FBXL5: variants seen among roughly 807,000 people sequenced by gnomAD.
FBXL5 encodes F-box and leucine rich repeat protein 5, also known as F-box/LRR-repeat protein 5.
In FBXL5, 26 loss-of-function variants were observed where a neutral mutation model predicts 78.3. That is an observed-to-expected ratio of 0.33 (90% CI 0.24 to 0.46). The LOEUF (loss-of-function observed/expected upper bound fraction) is 0.46, where lower values mean the gene tolerates loss of function less well. FBXL5 is among the 20% of genes least tolerant of loss of function. FBXL5 has a pLI of 1.00. For synonymous variants in FBXL5, 295 were observed against 282.5 expected, an observed-to-expected ratio of 1.04 and a Z score of -0.45; for missense variants, 710 against 829.2, an observed-to-expected ratio of 0.86 and a Z score of 1.77.
chr4:15,652,795 G>C (rs1239732258), intron 1 of FBXL5, among the ~76,000 whole-genome samples: 1 of 152,128 alleles, frequency 6.6e-6, no homozygotes, highest in Non-Finnish European at 1.5e-5. Flanking sequence ...TGGGCATTCA[G>C]AGCCCAAATT....
At position 15,625,784 on chromosome 4, in the gene FBXL5, A is replaced by T; in HGVS notation, c.1318T>A (p.Ser440Thr). The T allele has an allele frequency of 6.2e-7, 1 of 1,614,130 alleles. No individual in the cohort carries two copies. The highest frequency in any genetic ancestry group is 8.5e-7 in the Non-Finnish European group (1 of 1,180,010). The change falls in exon 9 of 11, where the codon TCC becomes ACC. Residue 440 changes from serine (S) to threonine (T), a missense_variant. Ser to Thr is a moderately conservative substitution (Grantham distance 58). This residue lies in a region of FBXL5 where 517 missense variants were observed against 542.9 expected (regional missense o/e 0.95). Coordinates refer to ENST00000341285, the MANE Select transcript of FBXL5 (RefSeq NM_012161.4). The stretch of plus-strand genomic sequence containing the variant: ...TGCAAACAGGCATACTGCTTGGTGG[A>T]CTGCATGGTAATGTCTTTATTTTTC... ...AWKNKDITMQSTKQYACLHDL... is the reference protein window; with the variant it reads ...AWKNKDITMQTTKQYACLHDL...
intron 7 of FBXL5, 125 bp from the exon 8 acceptor site, chr4:15,627,080 T>A: frequency 2.2e-6 from 1 of 459,382 alleles, no homozygotes. Flanking sequence ...ATCACTTGAA[T>A]ACTTGAAAAA....
intron 1 of FBXL5, among the ~76,000 whole-genome samples, chr4:15,654,734 T>C (rs749117992): frequency 4.3e-4 from 65 of 151,990 alleles, no homozygotes; most frequent in Non-Finnish European, 8.2e-4. Context: ...GATGGGTGGG[T>C]GTCTGCACGG....
intron 10 of FBXL5, among the ~76,000 whole-genome samples, chr4:15,610,870 T>C (rs1364030027): frequency 6.6e-6 from 1 of 152,092 alleles, no homozygotes; most frequent in Admixed American, 6.5e-5. Context: ...TTAATTACTC[T>C]TGATAATATG....
upstream of FBXL5, among the ~76,000 whole-genome samples, chr4:15,662,493 T>G (rs1717359186): frequency 6.6e-6 from 1 of 152,208 alleles, no homozygotes; most frequent in East Asian, 1.9e-4. Context: ...ATACTATCTT[T>G]TAATATTGCT....
chr4:15,612,370 T>C lies in FBXL5; in HGVS notation c.1895A>G (p.Asn632Ser). 6.2e-7 allele frequency: 1 copy of C among 1,612,382 alleles called. No individual in the cohort carries two copies. Among genetic ancestry groups the C allele is most frequent in the Non-Finnish European group, 8.5e-7 (1 of 1,179,280 alleles). ...AGTTATAGTAAGACAACCAGAGAGA[T>C]TAAGGTGCTCCAAATAAGGCAGCCC... is the stretch of plus-strand genomic sequence containing the variant. The part of the protein sequence containing the change: ...GGGLPYLEHL[N>S]LSGCLTITGA... Residue 632 changes from asparagine (N) to serine (S), a missense_variant, in exon 10 of 11, where the codon AAT (asparagine) becomes AGT (serine). Physicochemically the swap from Asn to Ser is conservative, Grantham distance 46 (BLOSUM62 1). This residue lies in a region of FBXL5 where 58 missense variants were observed against 112.3 expected (regional missense o/e 0.52). Coordinates refer to ENST00000341285, the MANE Select transcript of FBXL5 (RefSeq NM_012161.4).
intron 9 of FBXL5, among the ~76,000 whole-genome samples, chr4:15,621,187 G>C (rs1712439658): frequency 6.6e-6 from 1 of 152,028 alleles, no homozygotes; most frequent in Non-Finnish European, 1.5e-5. Context: ...GTCTGTAGAT[G>C]GCACGACCTT....
intron 1 of FBXL5, among the ~76,000 whole-genome samples, chr4:15,651,957 C>G (rs1356712499): frequency 6.6e-6 from 1 of 152,182 alleles, no homozygotes; most frequent in African/African-American, 2.4e-5. Flanking sequence ...CCTTTGCTCC[C>G]ACTATACCCT....
At chr4:15,643,134 T>C (rs1715059415) in intron 2 of FBXL5, among the ~76,000 whole-genome samples, 1 of 152,204 alleles carries the variant, frequency 6.6e-6, no homozygotes. Flanking sequence ...CTTCTATTAA[T>C]ATTACTATCT....
chr4:15,631,202 C>T (rs940207734), intron 5 of FBXL5, among the ~76,000 whole-genome samples: 1 of 152,120 alleles, frequency 6.6e-6, no homozygotes, highest in Non-Finnish European at 1.5e-5. Context: ...TTTGCTAAGA[C>T]TGATGGTTTC....
upstream of FBXL5, among the ~76,000 whole-genome samples, chr4:15,664,565 T>G (rs1284322639): frequency 6.9e-6 from 1 of 145,034 alleles, no homozygotes; most frequent in African/African-American, 2.6e-5. Flanking sequence ...TTTTTTTTTT[T>G]TTTTTTTTTG....
intron 10 of FBXL5, among the ~76,000 whole-genome samples, chr4:15,608,852 G>A (rs1472573105): frequency 2.0e-5 from 3 of 152,112 alleles, no homozygotes; most frequent in Non-Finnish European, 4.4e-5. Flanking sequence ...ACCCATTAAA[G>A]GATCTGCTGA....
At chr4:15,617,852 G>C (rs979842027) in intron 9 of FBXL5, among the ~76,000 whole-genome samples, 2 of 152,210 alleles carry the variant, frequency 1.3e-5, no homozygotes, top group South Asian at 2.1e-4. Context: ...AGAATAGCTA[G>C]TAAATGCTGG....
At chr4:15,677,545 A>T (rs189568746) in intron 1 of FBXL5, among the ~76,000 whole-genome samples, 95 of 152,286 alleles carry the variant, frequency 6.2e-4, no homozygotes, top group African/African-American at 2.1e-3. Context: ...AGAACTGGAG[A>T]CTGAGTTCAA....
chr4:15,668,008 T>C (rs1340505236), intron 1 of FBXL5, among the ~76,000 whole-genome samples: 1 of 148,362 alleles, frequency 6.7e-6, no homozygotes, highest in Non-Finnish European at 1.5e-5. Flanking sequence ...GCCATTGCAC[T>C]CCAGCCTGGG....
intron 9 of FBXL5, among the ~76,000 whole-genome samples, chr4:15,624,167 A>G (rs1270405624): frequency 3.3e-5 from 5 of 152,100 alleles, no homozygotes; most frequent in Non-Finnish European, 7.4e-5. Context: ...GGTAGGGAGT[A>G]TTAAGTTTTA....
At chr4:15,609,323 T>C (rs912937595) in intron 10 of FBXL5, among the ~76,000 whole-genome samples, 1 of 152,152 alleles carries the variant, frequency 6.6e-6, no homozygotes, top group Non-Finnish European at 1.5e-5. Flanking sequence ...AATAATCTTA[T>C]AAGAAAGCAT....
chr4:15,644,397 TACATC>T, intron 2 of FBXL5, 91 bp downstream of exon 2: 2 of 985,808 alleles, frequency 2.0e-6, no homozygotes, highest in Non-Finnish European at 3.0e-6. Context: ...TTTTCAACAT[TACATC>T]ATTTACTATA....
intron 5 of FBXL5, among the ~76,000 whole-genome samples, 197 bp from the exon 6 acceptor site, chr4:15,630,988 A>G (rs891318881): frequency 9.2e-5 from 14 of 152,300 alleles, no homozygotes; most frequent in East Asian, 3.9e-4. Context: ...ACATAGGTAT[A>G]TATGTGCCAT....
Sources: allele counts gnomAD v4.1 joint callset (sites outside exome capture counted in the v4.1 genomes callset), GRCh38; gene constraint gnomAD v4.1.1; regional missense constraint gnomAD v4.1.1; transcripts MANE v1.5; gene names NCBI Gene and HGNC (gene_info 2026-07-23, HGNC 2026-07-21).